Variants in FRMD3 observed in about 807,000 individuals in gnomAD.
FRMD3 encodes FERM domain-containing protein 3.
FRMD3 carries 33 observed loss-of-function variants against 70.2 expected under a neutral mutation model. The observed-to-expected ratio is 0.47, with a 90% confidence interval of 0.36 to 0.63. FRMD3 has a LOEUF of 0.63. Among genes scored for constraint, FRMD3 ranks in the 20% least tolerant of loss-of-function variants. The probability of loss-of-function intolerance (pLI) is 0.00; values close to 1 mark genes in which losing one functional copy is unlikely to be tolerated. For missense variants in FRMD3, 632 were observed against 711.4 expected, an observed-to-expected ratio of 0.89 and a Z score of 1.27; for synonymous variants, 279 against 255.9, an observed-to-expected ratio of 1.09 and a Z score of -0.86.
the FRMD3 span, among the ~76,000 whole-genome samples, chr9:83,569,968 T>C: frequency 6.6e-6 from 1 of 152,198 alleles, no homozygotes; most frequent in African/African-American, 2.4e-5. Context: ...CTCCAGAATG[T>C]CGGATTCTGG....
intron 1 of FRMD3, among the ~76,000 whole-genome samples, chr9:83,511,725 T>C (rs1027907652): frequency 6.6e-6 from 1 of 152,190 alleles, no homozygotes; most frequent in Non-Finnish European, 1.5e-5. Context: ...GGGAAGCACG[T>C]CTGCCACAAC....
intron 1 of FRMD3, among the ~76,000 whole-genome samples, chr9:83,496,442 A>C (rs1292719635): frequency 6.6e-6 from 1 of 152,224 alleles, no homozygotes; most frequent in African/African-American, 2.4e-5. Flanking sequence ...CCTTAAAATA[A>C]GATGAAGTTC....
chr9:83,269,117 A>G (rs1833419049), intron 13 of FRMD3, among the ~76,000 whole-genome samples: 1 of 152,246 alleles, frequency 6.6e-6, no homozygotes, highest in African/African-American at 2.4e-5. Flanking sequence ...ACTTTGCAGT[A>G]ACACACGATG....
At chr9:83,469,241 A>G (rs1249033613) in intron 1 of FRMD3, among the ~76,000 whole-genome samples, 1 of 152,220 alleles carries the variant, frequency 6.6e-6, no homozygotes, top group Non-Finnish European at 1.5e-5. Context: ...ATTAAATCTT[A>G]TCCCCAGAGT....
At chr9:83,297,348 G>C (rs1410469054) in intron 12 of FRMD3, among the ~76,000 whole-genome samples, 3 of 152,058 alleles carry the variant, frequency 2.0e-5, no homozygotes, top group Non-Finnish European at 2.9e-5. Flanking sequence ...GTGCTCTCAG[G>C]GTGCTACAGA....
chr9:83,308,699 G>A (rs187298496), intron 10 of FRMD3, among the ~76,000 whole-genome samples: 84 of 152,314 alleles, frequency 5.5e-4, no homozygotes, highest in Non-Finnish European at 9.8e-4. Context: ...GAGCTTTACA[G>A]ATGGTTTCTG....
rs570977732 is a variant in FRMD3, at chr9:83,446,515, C to T, written c.148-56807G>A. On this transcript the variant is annotated intron_variant, in intron 1 of 13. Transcript: ENST00000304195. The stretch of plus-strand genomic sequence containing the variant: ...ACAAAAAATTAGCCGGGCGCGGTGG[C>T]GGGCGCCTGTAGTCCCAGCTACTCG... 9.8e-4 allele frequency among the ~76,000 whole-genome samples: 149 copies of T among 151,980 alleles called. 1 individual carries two copies. Among genetic ancestry groups the T allele is most frequent in the Non-Finnish European group, 1.5e-3 (104 of 67,948 alleles).
chr9:83,439,119 C>T (rs1264439273), intron 1 of FRMD3, among the ~76,000 whole-genome samples: 1 of 152,186 alleles, frequency 6.6e-6, no homozygotes. Flanking sequence ...GGGGCCACAC[C>T]CAGCCCAGGA....
chr9:83,384,265 C>G (rs1309839522), intron 2 of FRMD3, among the ~76,000 whole-genome samples: 1 of 152,178 alleles, frequency 6.6e-6, no homozygotes, highest in African/African-American at 2.4e-5. Context: ...TTCTTCAGGG[C>G]AGGGCTGCCC....
Position 83,248,044 on chromosome 9 carries a change from G to A in FRMD3, c.1668C>T (p.Leu556=), listed in dbSNP as rs199927843. 179 of 1,614,038 alleles carry A rather than the reference G, an allele frequency of 1.1e-4. 2 individuals carry two copies. Among genetic ancestry groups the A allele is most frequent in the Non-Finnish European group, 5.2e-5 (61 of 1,180,048 alleles). Residue 556 remains leucine (L), a synonymous_variant, in exon 14 of 14, where the codon CTC becomes CTT. Coordinates refer to ENST00000304195, the MANE Select transcript of FRMD3 (RefSeq NM_174938.6). ...TCTGGCGGATTTCGCATAAGAAGGA[G>A]AGATCAATACCTGACTCCAAAAGGA... ...LLLLLESGID[L]SFLCEIRQTP...
chr9:83,364,888 G>A (rs1294210726), intron 3 of FRMD3, among the ~76,000 whole-genome samples: 1 of 152,122 alleles, frequency 6.6e-6, no homozygotes, highest in African/African-American at 2.4e-5. Flanking sequence ...AAATTTATCT[G>A]CCCCTTGTAT....
chr9:83,549,576 A>C, the FRMD3 span, among the ~76,000 whole-genome samples: 1 of 152,158 alleles, frequency 6.6e-6, no homozygotes, highest in African/African-American at 2.4e-5. Flanking sequence ...ACAGCGTATA[A>C]GAGTTTCCTT....
intron 7 of FRMD3, among the ~76,000 whole-genome samples, chr9:83,313,443 G>A (rs1257833101): frequency 6.6e-6 from 1 of 152,112 alleles, no homozygotes; most frequent in Non-Finnish European, 1.5e-5. Context: ...GGAAAATATG[G>A]CTACTACATG....
At chr9:83,433,360 A>G (rs1283873670) in intron 1 of FRMD3, among the ~76,000 whole-genome samples, 1 of 152,208 alleles carries the variant, frequency 6.6e-6, no homozygotes, top group African/African-American at 2.4e-5. Flanking sequence ...CACCATAAGA[A>G]AAAGAGAAGG....
intron 2 of FRMD3, among the ~76,000 whole-genome samples, chr9:83,381,187 A>G (rs114032248): frequency 0.011 from 1,746 of 152,360 alleles, 35 homozygotes; most frequent in African/African-American, 0.04. Context: ...CTATGACACA[A>G]CAGCAACAAC....
At chr9:83,434,261 G>A (rs1359256539) in intron 1 of FRMD3, among the ~76,000 whole-genome samples, 1 of 152,214 alleles carries the variant, frequency 6.6e-6, no homozygotes, top group Non-Finnish European at 1.5e-5. Context: ...TTAGGAGACT[G>A]TGCCGTGGTC....
intron 5 of FRMD3, among the ~76,000 whole-genome samples, chr9:83,338,350 A>G (rs546339581): frequency 6.6e-6 from 1 of 152,256 alleles, no homozygotes; most frequent in Non-Finnish European, 1.5e-5. Flanking sequence ...AAATATTATG[A>G]CCTAGCAATC....
intron 10 of FRMD3, among the ~76,000 whole-genome samples, chr9:83,304,894 C>A (rs1255822762): frequency 6.6e-6 from 1 of 152,096 alleles, no homozygotes. Flanking sequence ...CTGGAGTAGG[C>A]GGGAAAAATC....
chr9:83,295,570 T>C (rs1043420956), intron 12 of FRMD3, among the ~76,000 whole-genome samples: 1 of 152,262 alleles, frequency 6.6e-6, no homozygotes, highest in African/African-American at 2.4e-5. Flanking sequence ...CAAAGTGATG[T>C]TGTAAATCTC....
Sources: gnomAD v4.1 joint callset for allele counts (sites outside exome capture counted in the v4.1 genomes callset) on GRCh38, gnomAD v4.1.1 for gene constraint, MANE v1.5 for transcripts, NCBI Gene and HGNC (gene_info 2026-07-23, HGNC 2026-07-21) for gene names.